NTRK3: variants seen among roughly 807,000 people sequenced by gnomAD.
The protein encoded by NTRK3 is neurotrophic receptor tyrosine kinase 3, also known as NT-3 growth factor receptor.
A neutral mutation model predicts 91.7 loss-of-function variants in NTRK3; 24 were observed. The observed-to-expected ratio is 0.26, with a 90% CI of 0.19 to 0.37. NTRK3 has a LOEUF of 0.37. NTRK3 is among the 10% of genes least tolerant of loss of function. NTRK3 has a pLI of 1.00. For missense variants in NTRK3, 880 were observed against 1,068.9 expected (o/e 0.82, Z 2.46); for synonymous variants, 483 against 404.0 (o/e 1.20, Z -2.34).
At chr15:88,205,657 C>G (rs531091571) in intron 3 of NTRK3, among the ~76,000 whole-genome samples, 1 of 152,302 alleles carries the variant, frequency 6.6e-6, no homozygotes, top group East Asian at 1.9e-4. Flanking sequence ...GCCCCCAAAA[C>G]GGTGACTCCA....
intron 5 of NTRK3, among the ~76,000 whole-genome samples, chr15:88,157,047 G>A (rs1017679724): frequency 6.6e-6 from 1 of 152,022 alleles, no homozygotes; most frequent in African/African-American, 2.4e-5. Flanking sequence ...GTACCCTGCA[G>A]GGTGCGGCTT....
intron 17 of NTRK3, among the ~76,000 whole-genome samples, chr15:87,918,528 T>C (rs1449424953): frequency 6.6e-6 from 1 of 152,236 alleles, no homozygotes; most frequent in Non-Finnish European, 1.5e-5. Context: ...TTCCTAAAAT[T>C]TAATCCAGAC....
At chr15:88,094,862 T>A (rs1198212214) in intron 13 of NTRK3, among the ~76,000 whole-genome samples, 1 of 152,228 alleles carries the variant, frequency 6.6e-6, no homozygotes, top group Non-Finnish European at 1.5e-5. Flanking sequence ...ATTATTATTA[T>A]TGCTTAAATT....
At chr15:88,154,197 C>A (rs2043671747) in intron 5 of NTRK3, among the ~76,000 whole-genome samples, 1 of 152,046 alleles carries the variant, frequency 6.6e-6, no homozygotes, top group Admixed American at 6.5e-5. Context: ...GAACCTACAC[C>A]TCCTCAGTCT....
chr15:88,104,528 C>T (rs1246397426), intron 13 of NTRK3, among the ~76,000 whole-genome samples: 1 of 152,224 alleles, frequency 6.6e-6, no homozygotes, highest in African/African-American at 2.4e-5. Flanking sequence ...AATGTTTTGA[C>T]TTTCAGTGAG....
At chr15:87,939,452 A>C (rs1470184161) in intron 15 of NTRK3, among the ~76,000 whole-genome samples, 1 of 152,214 alleles carries the variant, frequency 6.6e-6, no homozygotes, top group African/African-American at 2.4e-5. Context: ...TGGGATTTGC[A>C]CCCAGGCTCT....
rs75459459 is a variant in NTRK3 at position 87,967,343 on chromosome 15, A to G, written c.1586-26590T>C. 2.4e-4 allele frequency among the ~76,000 whole-genome samples: 37 copies of G among 152,212 alleles called. No homozygotes were observed. The East Asian group carries it at 6.2e-3, about 26-fold the overall frequency. ...GGGTGGTGTGCTGGGTGCTATACAG[A>G]GTTAACCTAAGGAAGCTCCCTAGAC... On this transcript the variant is annotated intron_variant, in intron 14 of 18. Coordinates refer to ENST00000394480, the Ensembl canonical transcript of NTRK3.
At chr15:87,999,588 GT>G (rs1274947187) in intron 14 of NTRK3, among the ~76,000 whole-genome samples, 4 of 152,214 alleles carry the variant, frequency 2.6e-5, no homozygotes, top group African/African-American at 9.7e-5. Context: ...ATCGAGCCAT[GT>G]AGATATTTCC....
chr15:88,005,175 G>A (rs2076398875), intron 14 of NTRK3, among the ~76,000 whole-genome samples: 1 of 152,116 alleles, frequency 6.6e-6, no homozygotes, highest in African/African-American at 2.4e-5. Flanking sequence ...GTTCTTCCCT[G>A]ATTGATGCTT....
At chr15:87,898,520 C>T (rs970794304) in intron 17 of NTRK3, among the ~76,000 whole-genome samples, 2 of 152,082 alleles carry the variant, frequency 1.3e-5, no homozygotes, top group African/African-American at 4.8e-5. Flanking sequence ...CTACGGTGGA[C>T]TAGGCTCAGA....
At position 88,255,477 on chromosome 15, in the gene NTRK3, GCCGCCGCTGCCA is replaced by G. The variant is rs894068603; in HGVS notation, c.248+417_248+428del. 3.4e-4 allele frequency among the ~76,000 whole-genome samples: 51 copies of G among 152,072 alleles called. No individual in the cohort carries two copies. The South Asian group carries it at 9.1e-3, about 27-fold the overall frequency. On this transcript the variant is annotated intron_variant, in intron 3 of 18. Coordinates refer to ENST00000394480, the Ensembl canonical transcript of NTRK3. This position sits in a 1 kb window ranked among gnomAD's most constrained non-coding sequence, Gnocchi z 4.3. ...TCACCTTCCCTGCCGGCTAAGCGCT[GCCGCCGCTGCCA>G]CCGCCGCTGCCGCCTCTGCCAAAGA...
chr15:88,248,759 A>G (rs996254014), intron 3 of NTRK3, among the ~76,000 whole-genome samples: 1 of 152,182 alleles, frequency 6.6e-6, no homozygotes, highest in Admixed American at 6.5e-5. Context: ...GCAATGAGGT[A>G]TTAGCCTTAG....
intron 13 of NTRK3, among the ~76,000 whole-genome samples, chr15:88,052,283 G>C (rs1449816469): frequency 6.6e-6 from 1 of 152,220 alleles, no homozygotes; most frequent in Non-Finnish European, 1.5e-5. Context: ...GGCTGGGTGA[G>C]ACATCAGCAT....
At chr15:88,031,285 A>C (rs1477650499) in intron 14 of NTRK3, among the ~76,000 whole-genome samples, 2 of 152,186 alleles carry the variant, frequency 1.3e-5, no homozygotes, top group Non-Finnish European at 2.9e-5. Context: ...ACTGATACAG[A>C]TAATGAGAAC....
intron 13 of NTRK3, among the ~76,000 whole-genome samples, chr15:88,089,424 T>C (rs2048805853): frequency 6.6e-6 from 1 of 152,136 alleles, no homozygotes. Flanking sequence ...TAAAAAATAG[T>C]GAATAACTGG....
intron 13 of NTRK3, among the ~76,000 whole-genome samples, chr15:88,109,758 C>A (rs544200362): frequency 6.6e-6 from 1 of 152,104 alleles, no homozygotes; most frequent in Non-Finnish European, 1.5e-5. Flanking sequence ...GACCCACTGG[C>A]TGGGGGAGTA....
intron 13 of NTRK3, among the ~76,000 whole-genome samples, chr15:88,096,090 G>C (rs1432503426): frequency 1.3e-5 from 2 of 152,158 alleles, no homozygotes; most frequent in Non-Finnish European, 2.9e-5. Context: ...GGAAGCCAAA[G>C]TGACTTTGCT....
chr15:88,212,664 G>C (rs2049355183), intron 3 of NTRK3, among the ~76,000 whole-genome samples: 1 of 150,136 alleles, frequency 6.7e-6, no homozygotes, highest in South Asian at 2.1e-4. Flanking sequence ...TCTCCAACCT[G>C]GTAGATACTT....
chr15:87,879,620 G>C (rs1443168754), intron 18 of NTRK3, among the ~76,000 whole-genome samples: 1 of 152,144 alleles, frequency 6.6e-6, no homozygotes, highest in Non-Finnish European at 1.5e-5. Context: ...AACATGCTTA[G>C]AAAAGTGCCT....
Sources: allele counts gnomAD v4.1 joint callset (sites outside exome capture counted in the v4.1 genomes callset), GRCh38; gene constraint gnomAD v4.1.1; non-coding constraint Gnocchi (gnomAD v3.1); transcripts MANE v1.5; gene names NCBI Gene and HGNC (gene_info 2026-07-23, HGNC 2026-07-21).